MCF2L2: variants seen among roughly 807,000 people sequenced by gnomAD.
The protein encoded by MCF2L2 is probable guanine nucleotide exchange factor MCF2L2.
In MCF2L2, 102 loss-of-function variants were observed where a neutral mutation model predicts 150.2. That is an observed-to-expected ratio of 0.68 (90% CI 0.58 to 0.80). The LOEUF (loss-of-function observed/expected upper bound fraction) is 0.80, where lower values mean the gene tolerates loss of function less well. Ranked by LOEUF, MCF2L2 falls within the 30% of genes least tolerant of loss-of-function variation. The probability of loss-of-function intolerance (pLI) is 0.00; values close to 1 mark genes in which losing one functional copy is unlikely to be tolerated. For missense variants in MCF2L2, 1,256 were observed against 1,372.8 expected, an observed-to-expected ratio of 0.91 and a Z score of 1.34; for synonymous variants, 465 against 491.3, an observed-to-expected ratio of 0.95 and a Z score of 0.71.
intron 27 of MCF2L2, among the ~76,000 whole-genome samples, chr3:183,192,156 T>A (rs370392876): frequency 2.1e-4 from 22 of 103,610 alleles, no homozygotes; most frequent in African/African-American, 6.2e-4. Context: ...TTATTTATTT[T>A]TTCAGACAGA....
At chr3:183,192,705 A>AG in intron 27 of MCF2L2, 1 of 315,622 alleles carries the variant, frequency 3.2e-6, no homozygotes. Flanking sequence ...TGATATTTGG[A>AG]CAGCAGTTGA....
chr3:183,424,915 G>A (rs917116322), intron 1 of MCF2L2, among the ~76,000 whole-genome samples: 4 of 152,192 alleles, frequency 2.6e-5, no homozygotes, highest in Admixed American at 6.5e-5. Context: ...CCAACCATAG[G>A]TGTAGAAATC....
intron 3 of MCF2L2, among the ~76,000 whole-genome samples, chr3:183,369,751 C>T (rs1712751750): frequency 3.9e-5 from 6 of 152,130 alleles, no homozygotes; most frequent in Admixed American, 3.9e-4. Context: ...AATTTATGAA[C>T]CTCCTCATTC....
At chr3:183,398,512 T>C (rs1375052482) in intron 1 of MCF2L2, among the ~76,000 whole-genome samples, 2 of 151,064 alleles carry the variant, frequency 1.3e-5, no homozygotes, top group African/African-American at 2.4e-5. Context: ...TTTTATAATA[T>C]TAATATAATA....
At chr3:183,317,898 T>A (rs73068089) in intron 7 of MCF2L2, among the ~76,000 whole-genome samples, 170 bp downstream of exon 7, 1 of 152,116 alleles carries the variant, frequency 6.6e-6, no homozygotes, top group African/African-American at 2.4e-5. Context: ...AGAGATTTCT[T>A]TCATTACAAA....
At chr3:183,401,922 C>T (rs891254346) in intron 1 of MCF2L2, among the ~76,000 whole-genome samples, 1 of 152,158 alleles carries the variant, frequency 6.6e-6, no homozygotes, top group Non-Finnish European at 1.5e-5. Flanking sequence ...GACATGTTTA[C>T]CTTTCTCTCA....
intron 15 of MCF2L2, chr3:183,254,498 G>A (rs1560371680): frequency 6.6e-6 from 1 of 152,146 alleles, no homozygotes; most frequent in Non-Finnish European, 1.5e-5. Flanking sequence ...CCGCCCAGGT[G>A]CGGCAGGTAG....
At chr3:183,319,345 A>C (rs2108517078) in intron 6 of MCF2L2, among the ~76,000 whole-genome samples, 1 of 152,324 alleles carries the variant, frequency 6.6e-6, no homozygotes, top group Non-Finnish European at 1.5e-5. Context: ...CCACACCTGC[A>C]GTTACTTCCC....
intron 15 of MCF2L2, among the ~76,000 whole-genome samples, chr3:183,262,549 T>C (rs1477078087): frequency 6.6e-6 from 1 of 152,108 alleles, no homozygotes; most frequent in African/African-American, 2.4e-5. Flanking sequence ...GTGGCTCCCT[T>C]GTCTCCCCCT....
chr3:183,313,799 C>T (rs147676053), intron 7 of MCF2L2, among the ~76,000 whole-genome samples: 90 of 152,296 alleles, frequency 5.9e-4, no homozygotes, highest in African/African-American at 2.0e-3. Flanking sequence ...GACAGGGTCC[C>T]GTTGGTGGCA....
chr3:183,303,684 T>C (rs1211322742), intron 10 of MCF2L2, among the ~76,000 whole-genome samples: 3 of 152,180 alleles, frequency 2.0e-5, no homozygotes, highest in Non-Finnish European at 2.9e-5. Flanking sequence ...TCAGGCCTCA[T>C]GGCTTCTCAT....
At chr3:183,417,220 G>A (rs1181936226) in intron 1 of MCF2L2, among the ~76,000 whole-genome samples, 2 of 151,526 alleles carry the variant, frequency 1.3e-5, no homozygotes, top group East Asian at 1.9e-4. Context: ...TTATAAAAGG[G>A]ACTTGAGCAT....
rs368835558 is a variant in MCF2L2, at chr3:183,340,834, T to C, written c.366+706A>G. ...GGTGCACGCCTGCAATCTCAGCTAC[T>C]TGGGAGGCTGAGGCAGGAGAATCTC... On this transcript the variant is annotated intron_variant, in intron 4 of 29. Coordinates refer to ENST00000328913, the MANE Select transcript of MCF2L2 (RefSeq NM_015078.4). 3.9e-4 allele frequency among the ~76,000 whole-genome samples: 60 copies of C among 152,226 alleles called. No homozygotes were observed. The East Asian group carries it at 0.01, about 26-fold the overall frequency.
chr3:183,215,032 C>T (rs1440487406), intron 22 of MCF2L2, among the ~76,000 whole-genome samples: 1 of 151,952 alleles, frequency 6.6e-6, no homozygotes, highest in Non-Finnish European at 1.5e-5. Flanking sequence ...ACCCAACCTG[C>T]CATTGCTGGT....
chr3:183,216,186 C>T, intron 21 of MCF2L2, 92 bp from the exon 22 acceptor site: 1 of 1,381,996 alleles, frequency 7.2e-7, no homozygotes, highest in Non-Finnish European at 1.0e-6. Context: ...GCCAGGGATC[C>T]AGCCAACCCT....
At chr3:183,365,947 G>A (rs1712496523) in intron 3 of MCF2L2, among the ~76,000 whole-genome samples, 1 of 151,690 alleles carries the variant, frequency 6.6e-6, no homozygotes, top group Admixed American at 6.6e-5. Context: ...GCAAAAACAT[G>A]AATAGACAAT....
At position 183,300,267 on chromosome 3, in the gene MCF2L2, G is replaced by T. The variant is rs562142294; in HGVS notation, c.1114-71C>A. 99 of 1,369,494 alleles carry T rather than the reference G, an allele frequency of 7.2e-5. No individual in the cohort carries two copies. In the African/African-American group the frequency reaches 1.3e-3, roughly 19 times the overall value. 84.8% of individuals were successfully genotyped at this position (1,369,494 alleles called of 1,614,324 possible). A position where few individuals can be genotyped will look rare whatever the true frequency, so the allele number is the denominator to read the frequency against. ...ATGAGGCTGAGAGCTGCCTGGTACT[G>T]TGTGCTCCAAGCCTGGAGGGAGGCT... On this transcript the variant is annotated intron_variant, in intron 10 of 29. Coordinates refer to ENST00000328913, the MANE Select transcript of MCF2L2 (RefSeq NM_015078.4).
chr3:183,416,188 A>G (rs1370742507), intron 1 of MCF2L2, among the ~76,000 whole-genome samples: 3 of 152,322 alleles, frequency 2.0e-5, no homozygotes, highest in South Asian at 2.1e-4. Flanking sequence ...TATACATAGT[A>G]TATCTACGTA....
intron 9 of MCF2L2, among the ~76,000 whole-genome samples, chr3:183,310,080 G>T (rs1474643197): frequency 1.3e-5 from 2 of 152,186 alleles, no homozygotes; most frequent in Non-Finnish European, 2.9e-5. Context: ...AAGGAAGACA[G>T]CTGGGTCCAG....
Sources: allele counts gnomAD v4.1 joint callset (sites outside exome capture counted in the v4.1 genomes callset), GRCh38; gene constraint gnomAD v4.1.1; transcripts MANE v1.5; gene names NCBI Gene and HGNC (gene_info 2026-07-23, HGNC 2026-07-21).